Variants in WDR73 observed in about 807,000 individuals in gnomAD.
The protein encoded by WDR73 is WD repeat domain 73.
WDR73 carries 30 observed loss-of-function variants against 38.2 expected under a neutral mutation model. That is an observed-to-expected ratio of 0.79 (90% CI 0.59 to 1.06). The LOEUF (loss-of-function observed/expected upper bound fraction) is 1.06. Ranked by LOEUF, WDR73 falls within the 50% of genes least tolerant of loss-of-function variation. The pLI is 0.00. For synonymous variants in WDR73, 197 were observed against 176.0 expected, an observed-to-expected ratio of 1.12 and a Z score of -0.94; for missense variants, 487 against 467.0, an observed-to-expected ratio of 1.04 and a Z score of -0.40.
At position 84,645,458 on chromosome 15, in the gene WDR73, T is replaced by A; in HGVS notation, c.883+13A>T. ...GAGATCAGATAACAAGACGAAATCC[T>A]GCTCGGCAGTACCTGAGATGGCCAA... On this transcript the variant is annotated intron_variant, in intron 7 of 7. Transcript: ENST00000434634. 2 of 1,610,982 alleles carry A rather than the reference T, an allele frequency of 1.2e-6. No individual in the cohort carries two copies. Among genetic ancestry groups the A allele is most frequent in the Non-Finnish European group, 1.7e-6 (2 of 1,178,242 alleles).
chr15:84,645,370 G>C, intron 7 of WDR73, 101 bp downstream of exon 7: 1 of 1,557,776 alleles, frequency 6.4e-7, no homozygotes, highest in South Asian at 1.2e-5. Flanking sequence ...TTAACTCCTG[G>C]AGCCAGGTTT....
chr15:84,640,361 T>C lies in WDR73; in HGVS notation c.*3109A>G, dbSNP rs1896220990. ...ACTGTTTATATCCCGTCCTCAAATA[T>C]TGCTTGACTCAACCCTCTACTGAAC... is the stretch of plus-strand genomic sequence containing the variant. On this transcript the variant is annotated 3_prime_UTR_variant, in exon 8 of 8. Transcript: ENST00000434634. 1 of 152,234 alleles carries C rather than the reference T, an allele frequency of 6.6e-6. No homozygotes were observed. The highest frequency in any genetic ancestry group is 2.4e-5 in the African/African-American group (1 of 41,454). The allele number at this position is 152,234 out of a possible 1,614,324, so 9.4% of individuals were successfully genotyped here.
At position 84,641,257 on chromosome 15, in the gene WDR73, G is replaced by A. The variant is rs978640284; in HGVS notation, c.*2213C>T. 6.6e-6 allele frequency: 1 copy of A among 152,212 alleles called. No individual in the cohort carries two copies. The highest frequency in any genetic ancestry group is 1.5e-5 in the Non-Finnish European group (1 of 68,058). The allele number at this position is 152,212 out of a possible 1,614,324, so 9.4% of individuals were successfully genotyped here. A position where few individuals can be genotyped will look rare whatever the true frequency, so the allele number is the denominator to read the frequency against. Reference sequence around the variant, plus strand: ...TTCAAGGAGATTCAGAAAACGTCCAGTGCAGGTGGGAAATGAATGGGAGCT... The same window carrying A: ...TTCAAGGAGATTCAGAAAACGTCCAATGCAGGTGGGAAATGAATGGGAGCT... On this transcript the variant is annotated 3_prime_UTR_variant, in exon 8 of 8. Coordinates refer to ENST00000434634, the MANE Select transcript of WDR73 (RefSeq NM_032856.5).
chr15:84,654,095 A>T, intron 1 of WDR73, 139 bp downstream of exon 1: 1 of 1,123,652 alleles, frequency 8.9e-7, no homozygotes. Flanking sequence ...GCCCAGGCGG[A>T]GTCCTCCACG....
At position 84,645,699 on chromosome 15, in the gene WDR73, G is replaced by A. The variant is rs1016059112; in HGVS notation, c.655C>T (p.Pro219Ser). The stretch of plus-strand genomic sequence containing the variant: ...CACCATCTCTCTCCACCAGACCCAG[G>A]GCCAGGGCTGCGATTCTCCAACGGT... Reference protein sequence around the residue: ...WAPLENRSPGPGSGGERWCAE... With the variant: ...WAPLENRSPGSGSGGERWCAE... Residue 219 changes from proline to serine, a missense_variant, in exon 7 of 8, where the codon CCT (proline) becomes TCT (serine). Coordinates refer to ENST00000434634, the MANE Select transcript of WDR73 (RefSeq NM_032856.5). The A allele has an allele frequency of 6.2e-7, 1 of 1,609,448 alleles. No homozygotes were observed. The highest frequency in any genetic ancestry group is 1.1e-5 in the South Asian group (1 of 90,308).
Position 84,652,807 on chromosome 15 carries a change from A to G in WDR73, c.110-5T>C, listed in dbSNP as rs868311830. 1.3e-5 allele frequency: 19 copies of G among 1,508,292 alleles called. No individual in the cohort carries two copies. In the South Asian group the frequency reaches 2.1e-4, roughly 16 times the overall value. The allele number at this position is 1,508,292 out of a possible 1,614,324, so 93.4% of individuals were successfully genotyped here. Reference sequence around the variant, plus strand: ...CATAGCCAGCAACAAAGACTCCTGGAAAAAGAAGCAGAGGTAGCTGTCACA... The same window carrying G: ...CATAGCCAGCAACAAAGACTCCTGGGAAAAGAAGCAGAGGTAGCTGTCACA... On this transcript the variant is annotated splice_polypyrimidine_tract_variant and splice_region_variant and intron_variant, in intron 2 of 7. Transcript: ENST00000434634.
At position 84,643,663 on chromosome 15, in the gene WDR73, T is replaced by C. The variant is rs1441477479; in HGVS notation, c.944A>G (p.Asp315Gly). ...AGGTTCTACTTGGCTCCGTGTTCCA[T>C]CTTGGCTCCGTGTTCCATCCCAAGA... ...ATSWDGTRSQ[D>G]GTRSQVEPLF... The change falls in exon 8 of 8, where the codon GAT becomes GGT. Residue 315 changes from aspartate (D) to glycine (G), a missense_variant. Physicochemically the swap from Asp to Gly is moderately conservative, Grantham distance 94 (BLOSUM62 -1). Coordinates refer to ENST00000434634, the MANE Select transcript of WDR73 (RefSeq NM_032856.5). 3.7e-6 allele frequency: 4 copies of C among 1,068,592 alleles called. No individual in the cohort carries two copies. In the East Asian group the frequency reaches 1.1e-4, roughly 28 times the overall value. 66.2% of individuals were successfully genotyped at this position (1,068,592 alleles called of 1,614,324 possible).
intron 3 of WDR73, among the ~76,000 whole-genome samples, chr15:84,650,796 C>T (rs1308681486): frequency 5.3e-5 from 8 of 152,016 alleles, no homozygotes; most frequent in East Asian, 3.9e-4. Flanking sequence ...TCACCGCACT[C>T]GGATTGTTTC....
In WDR73 at chr15:84,641,420, G is replaced by C. The variant is rs373487401; in HGVS notation, c.*2050C>G. On this transcript the variant is annotated 3_prime_UTR_variant, in exon 8 of 8. Transcript: ENST00000434634. ...TGGAAAGCACAGGACTTGAGAAGCA[G>C]GTGGCACCCAGGAAAGCCTGTTCCC... 7.2e-5 allele frequency: 11 copies of C among 152,308 alleles called. No homozygotes were observed. The East Asian group carries it at 1.7e-3, about 24-fold the overall frequency. The allele number at this position is 152,308 out of a possible 1,614,324, so 9.4% of individuals were successfully genotyped here.
At chr15:84,648,281 C>T (rs1258569424) in intron 4 of WDR73, 10 of 583,554 alleles carry the variant, frequency 1.7e-5, no homozygotes, top group East Asian at 8.4e-5. Context: ...CTTTCTGTCC[C>T]GTATCTATTC....
At chr15:84,653,972 C>CA (rs2141848653) in intron 1 of WDR73, 1 of 604,752 alleles carries the variant, frequency 1.7e-6, no homozygotes, top group Non-Finnish European at 2.9e-6. Flanking sequence ...GAGCTGAACT[C>CA]AGAGGCTGGC....
intron 3 of WDR73, among the ~76,000 whole-genome samples, chr15:84,650,039 G>T (rs1242000527): frequency 6.6e-6 from 1 of 152,170 alleles, no homozygotes; most frequent in African/African-American, 2.4e-5. Flanking sequence ...AGGCTACTTT[G>T]ATAAAAACTG....
intron 7 of WDR73, chr15:84,644,252 C>G (rs1240311474): frequency 2.6e-5 from 4 of 155,610 alleles, no homozygotes; most frequent in African/African-American, 9.6e-5. Flanking sequence ...ATGGCCTTGT[C>G]TCCTACTCGA....
chr15:84,651,924 G>T (rs1480723515), intron 3 of WDR73, among the ~76,000 whole-genome samples: 3 of 152,082 alleles, frequency 2.0e-5, no homozygotes, highest in Admixed American at 6.5e-5. Context: ...CTGGAGTGCA[G>T]TGGCACGATC....
At position 84,641,618 on chromosome 15, in the gene WDR73, A is replaced by G. The variant is rs539108737; in HGVS notation, c.*1852T>C. 1 of 152,208 alleles carries G rather than the reference A, an allele frequency of 6.6e-6. No homozygotes were observed. The highest frequency in any genetic ancestry group is 1.9e-4 in the East Asian group (1 of 5,166). 9.4% of individuals were successfully genotyped at this position (152,208 alleles called of 1,614,324 possible). On this transcript the variant is annotated 3_prime_UTR_variant, in exon 8 of 8. Transcript: ENST00000434634. The stretch of plus-strand genomic sequence containing the variant: ...AGCCTCTACCTCTCAGGTTCAAGCA[A>G]TTCTCCTGCCTCACCCTCCTGAGTA...
intron 3 of WDR73, 96 bp downstream of exon 3, chr15:84,652,610 CTCTTTCTA>C (rs1441669560): frequency 1.4e-5 from 9 of 647,264 alleles, no homozygotes; most frequent in Non-Finnish European, 2.3e-5. Context: ...AGCGCTTTCT[CTCTTTCTA>C]GTATCCAGGA....
rs1252613680 is a variant in WDR73, at chr15:84,643,627, T to C, written c.980A>G (p.His327Arg). 2 of 1,612,670 alleles carry C rather than the reference T, an allele frequency of 1.2e-6. No individual in the cohort carries two copies. The highest frequency in any genetic ancestry group is 1.7e-6 in the Non-Finnish European group (2 of 1,179,372). Reference protein sequence around the residue: ...TRSQVEPLFTHRGHIFLDGNG... With the variant: ...TRSQVEPLFTRRGHIFLDGNG... ...TCCATCTAGGAAGATGTGACCTCTG[T>C]GAGTGAAGAGAGGTTCTACTTGGCT... The change falls in exon 8 of 8, where the codon CAC (histidine) becomes CGC (arginine). Residue 327 changes from histidine (H) to arginine (R), a missense_variant. By Grantham distance (29) the His-to-Arg change is conservative. Coordinates refer to ENST00000434634, the MANE Select transcript of WDR73 (RefSeq NM_032856.5).
At position 84,645,472 on chromosome 15, in the gene WDR73, T is replaced by A. The variant is rs758183887; in HGVS notation, c.882A>T (p.Ser294=). The stretch of plus-strand genomic sequence containing the variant: ...AGACGAAATCCTGCTCGGCAGTACC[T>A]GAGATGGCCAAGCAATTCTTCAGGC... The part of the protein sequence containing the change: ...APGLKNCLAI[S]GFDGTVQVYD... Residue 294 remains serine, a splice_region_variant and synonymous_variant, in exon 7 of 8, where the codon TCA becomes TCT. Transcript: ENST00000434634. The A allele has an allele frequency of 6.2e-7, 1 of 1,611,846 alleles. No individual in the cohort carries two copies. Among genetic ancestry groups the A allele is most frequent in the Non-Finnish European group, 8.5e-7 (1 of 1,178,786 alleles).
At chr15:84,648,080 C>T (rs1266127550) in intron 4 of WDR73, 126 bp from the exon 5 acceptor site, 1 of 794,992 alleles carries the variant, frequency 1.3e-6, no homozygotes, top group African/African-American at 1.7e-5. Context: ...GCAAGATCAT[C>T]AAGGCCAACC....
Sources: allele counts gnomAD v4.1 joint callset (sites outside exome capture counted in the v4.1 genomes callset), GRCh38; gene constraint gnomAD v4.1.1; transcripts MANE v1.5; gene names NCBI Gene and HGNC (gene_info 2026-07-23, HGNC 2026-07-21).